Variants in NHS observed in about 807,000 individuals in gnomAD.
NHS encodes actin remodeling regulator NHS.
Under a neutral mutation model 72.5 loss-of-function variants are expected in NHS, and 5 were observed. The ratio of observed to expected loss-of-function variants is 0.07; its 90% CI spans 0.04 to 0.14. NHS has a LOEUF of 0.14. Among genes scored for constraint, NHS ranks in the 10% least tolerant of loss-of-function variants. The probability of loss-of-function intolerance (pLI) is 1.00; values close to 1 mark genes in which losing one functional copy is unlikely to be tolerated. For synonymous variants in NHS, 464 were observed against 547.7 expected, an observed-to-expected ratio of 0.85 and a Z score of 2.13; for missense variants, 1,072 against 1,355.7, an observed-to-expected ratio of 0.79 and a Z score of 3.29.
At chrX:17,650,904 T>A (rs1353078648) in intron 1 of NHS, among the ~76,000 whole-genome samples, 1 of 112,129 alleles carries the variant, frequency 8.9e-6, no homozygotes, top group Non-Finnish European at 1.9e-5. Flanking sequence ...CCATGCATGT[T>A]GAAGGACAGA....
intron 1 of NHS, among the ~76,000 whole-genome samples, chrX:17,622,866 TC>T (rs1241372845): frequency 9.0e-6 from 1 of 111,162 alleles, no homozygotes; most frequent in Non-Finnish European, 1.9e-5. Flanking sequence ...ATGGGAGGGC[TC>T]CACGGGCGGG....
intron 1 of NHS, among the ~76,000 whole-genome samples, chrX:17,452,650 G>A (rs1221119873): frequency 8.9e-6 from 1 of 111,789 alleles, no homozygotes; most frequent in African/African-American, 3.3e-5. Flanking sequence ...GAGCATGAGA[G>A]AGAGAGGCTG....
intron 3 of NHS, among the ~76,000 whole-genome samples, chrX:17,697,422 C>T (rs2066237712): frequency 9.0e-6 from 1 of 111,660 alleles, no homozygotes; most frequent in Non-Finnish European, 1.9e-5. Context: ...ATTAGCAGAT[C>T]CACATAGAGT....
At chrX:17,722,553 G>A (rs757688942) in intron 5 of NHS, among the ~76,000 whole-genome samples, 8 of 111,708 alleles carry the variant, frequency 7.2e-5, no homozygotes, top group African/African-American at 9.8e-5. Context: ...ATAAAGTGGG[G>A]AAGCAAATGG....
intron 1 of NHS, among the ~76,000 whole-genome samples, chrX:17,384,112 G>C (rs2146840588): frequency 8.9e-6 from 1 of 112,149 alleles, no homozygotes; most frequent in East Asian, 2.8e-4. Flanking sequence ...TGATCATTTT[G>C]GGTTGGTGTG....
chrX:17,720,070 A>G (rs2066396840), intron 4 of NHS, among the ~76,000 whole-genome samples: 1 of 111,672 alleles, frequency 9.0e-6, no homozygotes, highest in African/African-American at 3.3e-5. Context: ...ACTTTATTTG[A>G]GCTATTCGCT....
intron 1 of NHS, among the ~76,000 whole-genome samples, chrX:17,519,509 G>A (rs1476966662): frequency 8.9e-6 from 1 of 112,223 alleles, no homozygotes; most frequent in Non-Finnish European, 1.9e-5. Flanking sequence ...GCATGTTGCT[G>A]TCTTCCCAGG....
chrX:17,662,878 C>T (rs2065989115), intron 1 of NHS, among the ~76,000 whole-genome samples: 1 of 112,052 alleles, frequency 8.9e-6, no homozygotes, highest in South Asian at 3.7e-4. Context: ...CTTGCCTCCT[C>T]TTTTATTGTA....
intron 1 of NHS, among the ~76,000 whole-genome samples, chrX:17,463,713 C>G (rs774078842): frequency 1.8e-5 from 2 of 111,874 alleles, no homozygotes; most frequent in African/African-American, 6.5e-5. Flanking sequence ...GTTAAAAAGG[C>G]ATGTAAATGT....
intron 1 of NHS, among the ~76,000 whole-genome samples, chrX:17,485,702 C>G (rs2064964833): frequency 8.9e-6 from 1 of 111,767 alleles, no homozygotes; most frequent in Non-Finnish European, 1.9e-5. Context: ...AAGCAGTCGG[C>G]TGTTACAGAC....
intron 1 of NHS, among the ~76,000 whole-genome samples, chrX:17,622,022 TTTTG>T (rs1245508386): frequency 1.8e-5 from 2 of 112,117 alleles, no homozygotes; most frequent in Non-Finnish European, 3.8e-5. Flanking sequence ...AGAGAATAGC[TTTTG>T]TTTGTGTGTG....
intron 1 of NHS, among the ~76,000 whole-genome samples, chrX:17,622,231 T>A (rs1207684841): frequency 2.7e-5 from 3 of 111,962 alleles, no homozygotes; most frequent in Non-Finnish European, 5.6e-5. Context: ...CAAATTTCAT[T>A]TATTGAGGGC....
At chrX:17,485,677 TC>T (rs1364739259) in intron 1 of NHS, among the ~76,000 whole-genome samples, 2 of 111,565 alleles carry the variant, frequency 1.8e-5, no homozygotes, top group Admixed American at 1.9e-4. Flanking sequence ...TTTTCAATTT[TC>T]CCAAGCCCCA....
chrX:17,460,976 C>A (rs758598721), intron 1 of NHS, among the ~76,000 whole-genome samples: 5 of 111,909 alleles, frequency 4.5e-5, no homozygotes, highest in Non-Finnish European at 7.5e-5. Context: ...TCCATAGGTA[C>A]AAAATATGTA....
intron 1 of NHS, among the ~76,000 whole-genome samples, chrX:17,533,000 T>C (rs1296588076): frequency 8.9e-6 from 1 of 112,134 alleles, no homozygotes; most frequent in African/African-American, 3.3e-5. Context: ...TCTATTGTTA[T>C]GATGAGTATT....
At chrX:17,585,738 GTAATAATAATAATAA>G (rs548692975) in intron 1 of NHS, among the ~76,000 whole-genome samples, 1 of 101,248 alleles carries the variant, frequency 9.9e-6, no homozygotes, top group Non-Finnish European at 2.0e-5. Flanking sequence ...AAAAATAATA[GTAATAATAATAATAA>G]TAATAATAAT....
At chrX:17,439,762 G>A (rs1473649741) in intron 1 of NHS, among the ~76,000 whole-genome samples, 1 of 112,307 alleles carries the variant, frequency 8.9e-6, no homozygotes, top group Non-Finnish European at 1.9e-5. Flanking sequence ...GTGTGTATAT[G>A]TGTGAGCTTT....
intron 3 of NHS, among the ~76,000 whole-genome samples, chrX:17,706,832 T>C (rs972061446): frequency 9.0e-6 from 1 of 111,697 alleles, no homozygotes; most frequent in Non-Finnish European, 1.9e-5. Context: ...TTCAGCTCAT[T>C]GGTTCTCATC....
chrX:17,579,165 G>A lies in NHS; in HGVS notation c.566-108577G>A, dbSNP rs186581612. On this transcript the variant is annotated intron_variant, in intron 1 of 8. Transcript: ENST00000676302. ...TTCCCCTGATCATATCATTCTGGCCGGGAAGTCTTGCGTTTTAAAGCAAGT... is the reference window on the plus strand; with the variant it reads ...TTCCCCTGATCATATCATTCTGGCCAGGAAGTCTTGCGTTTTAAAGCAAGT... 1.5e-4 allele frequency among the ~76,000 whole-genome samples: 17 copies of A among 111,987 alleles called. No homozygotes were observed. The East Asian group carries it at 3.4e-3, about 22-fold the overall frequency.
Sources: gnomAD v4.1 joint callset for allele counts (sites outside exome capture counted in the v4.1 genomes callset) on GRCh38, gnomAD v4.1.1 for gene constraint, MANE v1.5 for transcripts, NCBI Gene and HGNC (gene_info 2026-07-23, HGNC 2026-07-21) for gene names.